The following MPHOSPH9 variants were observed in gnomAD, a reference collection of about 807,000 sequenced individuals.
MPHOSPH9 encodes the protein M-phase phosphoprotein 9.
MPHOSPH9 carries 88 observed loss-of-function variants against 145.5 expected under a neutral mutation model. That is an observed-to-expected ratio of 0.60 (90% CI 0.51 to 0.72). MPHOSPH9 has a LOEUF of 0.72. MPHOSPH9 is among the 30% of genes least tolerant of loss of function. MPHOSPH9 has a pLI of 0.00. For synonymous variants in MPHOSPH9, 435 were observed against 486.2 expected (o/e 0.89, Z 1.39); for missense variants, 1,238 against 1,386.6 (o/e 0.89, Z 1.70).
chr12:123,223,801 C>T (rs915446010), intron 3 of MPHOSPH9, among the ~76,000 whole-genome samples: 1 of 152,162 alleles, frequency 6.6e-6, no homozygotes, highest in African/African-American at 2.4e-5. Flanking sequence ...ACCCCTGCCC[C>T]ACTCTAACTC....
At chr12:123,209,647 T>C (rs760647477) in intron 8 of MPHOSPH9, among the ~76,000 whole-genome samples, 72 of 151,842 alleles carry the variant, frequency 4.7e-4, no homozygotes, top group Middle Eastern at 3.2e-3. Context: ...TTACCTCAGA[T>C]GGTCTGCCCA....
At chr12:123,168,785 A>G (rs2044439662) in intron 16 of MPHOSPH9, among the ~76,000 whole-genome samples, 1 of 152,172 alleles carries the variant, frequency 6.6e-6, no homozygotes, top group East Asian at 1.9e-4. Flanking sequence ...ACCAGAAACC[A>G]TGAAACAACT....
intron 6 of MPHOSPH9, among the ~76,000 whole-genome samples, chr12:123,217,765 C>T (rs1287301882): frequency 1.3e-5 from 2 of 151,940 alleles, no homozygotes; most frequent in Non-Finnish European, 2.9e-5. Flanking sequence ...ATAAATGGGC[C>T]GAGCGTGGTG....
At chr12:123,168,796 CTT>C (rs979046997) in intron 16 of MPHOSPH9, among the ~76,000 whole-genome samples, 5 of 152,100 alleles carry the variant, frequency 3.3e-5, no homozygotes, top group East Asian at 3.9e-4. Flanking sequence ...TGAAACAACT[CTT>C]GTTTTCTCTC....
intron 13 of MPHOSPH9, among the ~76,000 whole-genome samples, chr12:123,187,274 GA>G (rs1215750317): frequency 6.6e-6 from 1 of 151,782 alleles, no homozygotes; most frequent in Non-Finnish European, 1.5e-5. Context: ...AAAAAAGAAC[GA>G]ACGAACAATA....
At chr12:123,174,744 G>A (rs938396382) in intron 16 of MPHOSPH9, among the ~76,000 whole-genome samples, 11 of 152,028 alleles carry the variant, frequency 7.2e-5, no homozygotes, top group Admixed American at 2.0e-4. Context: ...TTGCCTATTT[G>A]ATTTCCACTT....
At chr12:123,202,098 T>C (rs2046245527) in intron 11 of MPHOSPH9, 66 bp downstream of exon 11, 2 of 1,431,060 alleles carry the variant, frequency 1.4e-6, no homozygotes, top group Non-Finnish European at 1.9e-6. Flanking sequence ...TTTTCTCACA[T>C]TATACTTCTG....
At chr12:123,189,052 G>A (rs1198426538) in intron 13 of MPHOSPH9, among the ~76,000 whole-genome samples, 1 of 152,044 alleles carries the variant, frequency 6.6e-6, no homozygotes, top group African/African-American at 2.4e-5. Context: ...ATAGAATGTG[G>A]TACAAGTGAT....
intron 1 of MPHOSPH9, among the ~76,000 whole-genome samples, chr12:123,240,346 TA>T (rs558796452): frequency 1.7e-4 from 25 of 145,924 alleles, no homozygotes; most frequent in African/African-American, 3.5e-4. Context: ...AGACTCCGTC[TA>T]AAAAAAAAAG....
At position 123,222,964 on chromosome 12, in the gene MPHOSPH9, G is replaced by C. The variant is rs200405552; in HGVS notation, c.348+74C>G. 2.3e-5 allele frequency: 13 copies of C among 554,954 alleles called. No homozygotes were observed. In the Admixed American group the frequency reaches 4.0e-4, roughly 17 times the overall value. The allele number at this position is 554,954 out of a possible 1,614,324, so 34.4% of individuals were successfully genotyped here. A position where few individuals can be genotyped will look rare whatever the true frequency, so the allele number is the denominator to read the frequency against. The stretch of plus-strand genomic sequence containing the variant: ...TATATGTGTGTGTGTATATATATAT[G>C]TGTGTGTGTGTGTGTGTATATGTAC... On this transcript the variant is annotated intron_variant, in intron 4 of 23. Transcript: ENST00000606320.
intron 1 of MPHOSPH9, among the ~76,000 whole-genome samples, chr12:123,241,679 A>G (rs1418286225): frequency 6.6e-6 from 1 of 152,068 alleles, no homozygotes; most frequent in Non-Finnish European, 1.5e-5. Flanking sequence ...TATGTTGCAC[A>G]GGCTGGAGAC....
At chr12:123,158,902 A>G (rs2043982235) in intron 23 of MPHOSPH9, among the ~76,000 whole-genome samples, 3 of 152,140 alleles carry the variant, frequency 2.0e-5, no homozygotes, top group African/African-American at 7.2e-5. Context: ...AAGTGCTGAG[A>G]TTACAGGCAT....
At chr12:123,216,681 T>C (rs1028407363) in intron 6 of MPHOSPH9, among the ~76,000 whole-genome samples, 1 of 151,840 alleles carries the variant, frequency 6.6e-6, no homozygotes, top group Non-Finnish European at 1.5e-5. Flanking sequence ...TGAGACCCTG[T>C]CTCTACAAAA....
intron 16 of MPHOSPH9, among the ~76,000 whole-genome samples, chr12:123,175,355 G>A (rs933485565): frequency 8.6e-5 from 13 of 151,732 alleles, no homozygotes; most frequent in African/African-American, 2.2e-4. Context: ...GGGTTTCATC[G>A]TGTTAGCCAG....
chr12:123,165,734 A>T (rs186763591), intron 17 of MPHOSPH9: 19 of 352,400 alleles, frequency 5.4e-5, no homozygotes, highest in African/African-American at 3.9e-4. Context: ...AGGCCATGTG[A>T]GGACATAACC....
intron 13 of MPHOSPH9, among the ~76,000 whole-genome samples, 198 bp from the exon 14 acceptor site, chr12:123,181,408 ATAT>A (rs2045137054): frequency 6.6e-6 from 1 of 152,098 alleles, no homozygotes; most frequent in Non-Finnish European, 1.5e-5. Context: ...TGTACATTTG[ATAT>A]TATTTCAAAA....
At chr12:123,179,584 A>G (rs2045031624) in intron 15 of MPHOSPH9, among the ~76,000 whole-genome samples, 1 of 152,034 alleles carries the variant, frequency 6.6e-6, no homozygotes, top group African/African-American at 2.4e-5. Context: ...CAACAACAAC[A>G]ACAACAAAAA....
At chr12:123,194,733 T>C (rs1433082797) in intron 12 of MPHOSPH9, 132 bp from the exon 13 acceptor site, 2 of 599,990 alleles carry the variant, frequency 3.3e-6, no homozygotes, top group East Asian at 3.2e-5. Flanking sequence ...GCAATTCTCC[T>C]GCCTCAGCCT....
chr12:123,219,941 G>A (rs1187902604), intron 5 of MPHOSPH9, among the ~76,000 whole-genome samples: 7 of 152,114 alleles, frequency 4.6e-5, no homozygotes, highest in Non-Finnish European at 7.3e-5. Context: ...CCAGCACTTC[G>A]GGAGGCCAAG....
Sources: gnomAD v4.1 joint callset for allele counts (sites outside exome capture counted in the v4.1 genomes callset) on GRCh38, gnomAD v4.1.1 for gene constraint, MANE v1.5 for transcripts, NCBI Gene and HGNC (gene_info 2026-07-23, HGNC 2026-07-21) for gene names.